Variants in ZEB1 observed in about 807,000 individuals in gnomAD.
The protein encoded by ZEB1 is zinc finger E-box binding homeobox 1.
ZEB1 carries 21 observed loss-of-function variants against 84.9 expected under a neutral mutation model. That is an observed-to-expected ratio of 0.25 (90% CI 0.18 to 0.36). ZEB1 has a LOEUF of 0.36. Among genes scored for constraint, ZEB1 ranks in the 10% least tolerant of loss-of-function variants. The pLI, the probability that ZEB1 is intolerant of heterozygous loss-of-function variation, is 1.00. For synonymous variants in ZEB1, 420 were observed against 471.1 expected, an observed-to-expected ratio of 0.89 and a Z score of 1.41; for missense variants, 1,104 against 1,330.2, an observed-to-expected ratio of 0.83 and a Z score of 2.65.
At chr10:31,342,227 T>C (rs1188642900) in intron 1 of ZEB1, among the ~76,000 whole-genome samples, 2 of 152,136 alleles carry the variant, frequency 1.3e-5, no homozygotes, top group African/African-American at 4.8e-5. Context: ...ATACATACTA[T>C]TATTCCCATT....
intron 1 of ZEB1, among the ~76,000 whole-genome samples, chr10:31,388,437 A>G (rs1369833372): frequency 6.6e-6 from 1 of 152,150 alleles, no homozygotes; most frequent in Non-Finnish European, 1.5e-5. Context: ...ATAATTTTTC[A>G]AAACCGTTGT....
At chr10:31,493,459 G>A (rs2066822214) in intron 2 of ZEB1, among the ~76,000 whole-genome samples, 1 of 151,880 alleles carries the variant, frequency 6.6e-6, no homozygotes, top group African/African-American at 2.4e-5. Context: ...GAGCATTCTA[G>A]TGTTCTTTTT....
At chr10:31,440,303 A>C (rs2058769506) in intron 1 of ZEB1, among the ~76,000 whole-genome samples, 1 of 152,218 alleles carries the variant, frequency 6.6e-6, no homozygotes, top group Non-Finnish European at 1.5e-5. Flanking sequence ...CAAAGACAAA[A>C]GCCACATGAT....
At chr10:31,471,788 C>A (rs1180957083) in intron 2 of ZEB1, among the ~76,000 whole-genome samples, 1 of 141,688 alleles carries the variant, frequency 7.1e-6, no homozygotes, top group Non-Finnish European at 1.5e-5. Flanking sequence ...ACACCTATTC[C>A]AAAATTGACC....
At chr10:31,359,311 A>G (rs943751245) in intron 1 of ZEB1, among the ~76,000 whole-genome samples, 1 of 152,100 alleles carries the variant, frequency 6.6e-6, no homozygotes, top group Non-Finnish European at 1.5e-5. Context: ...ACTAGATGAG[A>G]TAGCATTTTT....
intron 4 of ZEB1, among the ~76,000 whole-genome samples, chr10:31,509,136 C>T (rs1417551634): frequency 6.6e-6 from 1 of 152,138 alleles, no homozygotes; most frequent in Non-Finnish European, 1.5e-5. Context: ...AGGATGTAGT[C>T]TGTTGGGGGT....
At chr10:31,346,814 G>C (rs1024563517) in intron 1 of ZEB1, among the ~76,000 whole-genome samples, 1 of 152,184 alleles carries the variant, frequency 6.6e-6, no homozygotes, top group South Asian at 2.1e-4. Flanking sequence ...GTATAACCAT[G>C]CATGCTCAAT....
At chr10:31,412,478 C>T (rs1037813286) in intron 1 of ZEB1, among the ~76,000 whole-genome samples, 1 of 152,104 alleles carries the variant, frequency 6.6e-6, no homozygotes, top group African/African-American at 2.4e-5. Flanking sequence ...TCTCATTGTT[C>T]AATTCCTACC....
chr10:31,340,436 G>A (rs1055114318), intron 1 of ZEB1, among the ~76,000 whole-genome samples: 1 of 152,126 alleles, frequency 6.6e-6, no homozygotes, highest in Non-Finnish European at 1.5e-5. Context: ...CCCATTGATA[G>A]CATTTTAGTA....
rs150051354 is a variant in ZEB1 at position 31,510,782 on chromosome 10, A to G, written c.594A>G (p.Glu198=). The change falls in exon 5 of 9, where the codon GAA becomes GAG. Residue 198 remains glutamate, a synonymous_variant. Transcript: ENST00000424869. ...TTAAATATCGTCATGAAAAGAATGA[A>G]GATAACTTTAGTTGCTCCCTGTGCA... The part of the protein sequence containing the change: ...EHIKYRHEKN[E]DNFSCSLCSY... 2.7e-4 allele frequency: 436 copies of G among 1,613,908 alleles called. 3 individuals carry two copies. In the African/African-American group the frequency reaches 4.6e-3, roughly 17 times the overall value.
intron 1 of ZEB1, among the ~76,000 whole-genome samples, chr10:31,451,216 T>G (rs1327384031): frequency 6.6e-6 from 1 of 152,184 alleles, no homozygotes; most frequent in Admixed American, 6.5e-5. Context: ...GTTTTCAAAT[T>G]TATTTGCTTA....
intron 2 of ZEB1, among the ~76,000 whole-genome samples, chr10:31,472,693 C>T (rs1002649618): frequency 3.9e-4 from 52 of 132,154 alleles, no homozygotes; most frequent in Non-Finnish European, 7.4e-4. Flanking sequence ...AGGGAATCCT[C>T]CCTAACTCAT....
intron 1 of ZEB1, among the ~76,000 whole-genome samples, chr10:31,354,306 C>A (rs2041784641): frequency 6.6e-6 from 1 of 152,056 alleles, no homozygotes; most frequent in Admixed American, 6.6e-5. Flanking sequence ...AAAGTGGGCA[C>A]CTTTAAAATT....
intron 1 of ZEB1, among the ~76,000 whole-genome samples, chr10:31,431,631 G>A (rs1227356244): frequency 3.3e-5 from 5 of 151,980 alleles, no homozygotes; most frequent in African/African-American, 1.2e-4. Flanking sequence ...ACCCTACAAA[G>A]GCCATACAGA....
intron 2 of ZEB1, among the ~76,000 whole-genome samples, chr10:31,476,546 A>G (rs1440505009): frequency 2.0e-5 from 3 of 152,050 alleles, no homozygotes; most frequent in Non-Finnish European, 4.4e-5. Context: ...AAAGGAGAGC[A>G]GGTACCAGTC....
chr10:31,482,678 A>C (rs994006154), intron 2 of ZEB1, among the ~76,000 whole-genome samples: 1 of 152,036 alleles, frequency 6.6e-6, no homozygotes, highest in African/African-American at 2.4e-5. Context: ...AAATTTTTCA[A>C]ATTGAGATAC....
intron 2 of ZEB1, among the ~76,000 whole-genome samples, chr10:31,479,182 G>T (rs2138376611): frequency 6.6e-6 from 1 of 151,870 alleles, no homozygotes; most frequent in South Asian, 2.1e-4. Flanking sequence ...AACCTACCAA[G>T]ATATACCATG....
intron 1 of ZEB1, among the ~76,000 whole-genome samples, chr10:31,340,599 T>C (rs1342198125): frequency 6.6e-6 from 1 of 152,202 alleles, no homozygotes; most frequent in African/African-American, 2.4e-5. Flanking sequence ...TACCATGTTC[T>C]AGGCACTGTG....
At chr10:31,480,988 A>G (rs936006732) in intron 2 of ZEB1, among the ~76,000 whole-genome samples, 1 of 152,058 alleles carries the variant, frequency 6.6e-6, no homozygotes, top group African/African-American at 2.4e-5. Context: ...TAAGCTCTAC[A>G]AAAGGGTGTA....
Sources: allele counts gnomAD v4.1 joint callset (sites outside exome capture counted in the v4.1 genomes callset), GRCh38; gene constraint gnomAD v4.1.1; transcripts MANE v1.5; gene names NCBI Gene and HGNC (gene_info 2026-07-23, HGNC 2026-07-21).